Variants in ZZZ3 observed in about 807,000 individuals in gnomAD.
The protein encoded by ZZZ3 is zinc finger ZZ-type containing 3.
A neutral mutation model predicts 95.2 loss-of-function variants in ZZZ3; 22 were observed. The observed-to-expected ratio is 0.23, with a 90% CI of 0.17 to 0.33. The LOEUF (loss-of-function observed/expected upper bound fraction) is 0.33. Ranked by LOEUF, ZZZ3 falls within the 10% of genes least tolerant of loss-of-function variation. The probability of loss-of-function intolerance (pLI) is 1.00; values close to 1 mark genes in which losing one functional copy is unlikely to be tolerated. For missense variants in ZZZ3, 885 were observed against 1,066.5 expected, an observed-to-expected ratio of 0.83 and a Z score of 2.37; for synonymous variants, 335 against 358.9, an observed-to-expected ratio of 0.93 and a Z score of 0.75.
chr1:77,624,563 C>A, intron 5 of ZZZ3, among the ~76,000 whole-genome samples: 1 of 152,090 alleles, frequency 6.6e-6, no homozygotes, highest in Admixed American at 6.6e-5. Flanking sequence ...ACCCAAACTC[C>A]ACAGGAAAAA....
At chr1:77,640,110 GT>G (rs1668639867) in intron 3 of ZZZ3, among the ~76,000 whole-genome samples, 1 of 151,974 alleles carries the variant, frequency 6.6e-6, no homozygotes, top group African/African-American at 2.4e-5. Flanking sequence ...GCTTATTCAA[GT>G]GCTACAAAAT....
intron 5 of ZZZ3, among the ~76,000 whole-genome samples, chr1:77,602,750 T>C (rs570794234): frequency 6.6e-6 from 1 of 151,988 alleles, no homozygotes; most frequent in East Asian, 1.9e-4. Flanking sequence ...GGATTACAGA[T>C]GTGCATCACC....
chr1:77,610,756 TC>T (rs1292726057), intron 5 of ZZZ3, among the ~76,000 whole-genome samples: 2 of 151,426 alleles, frequency 1.3e-5, no homozygotes, highest in East Asian at 3.9e-4. Flanking sequence ...AAGTTTGACA[TC>T]CCTTCATGAT....
At chr1:77,583,695 C>A (rs928875547) in intron 6 of ZZZ3, among the ~76,000 whole-genome samples, 1 of 152,068 alleles carries the variant, frequency 6.6e-6, no homozygotes, top group East Asian at 1.9e-4. Flanking sequence ...CATAAAGATA[C>A]TAAAGTTGTC....
intron 5 of ZZZ3, among the ~76,000 whole-genome samples, chr1:77,613,967 C>T (rs1263609119): frequency 6.6e-6 from 1 of 152,096 alleles, no homozygotes; most frequent in Non-Finnish European, 1.5e-5. Flanking sequence ...ACCTCTGATG[C>T]AGACTGCATG....
intron 1 of ZZZ3, among the ~76,000 whole-genome samples, chr1:77,673,977 T>C (rs1320398597): frequency 2.1e-5 from 3 of 143,190 alleles, no homozygotes; most frequent in African/African-American, 5.3e-5. Context: ...AGGAATCCTG[T>C]ACCATAGTTT....
At chr1:77,673,682 A>AT (rs1238835517) in intron 1 of ZZZ3, among the ~76,000 whole-genome samples, 1 of 152,174 alleles carries the variant, frequency 6.6e-6, no homozygotes, top group Non-Finnish European at 1.5e-5. Context: ...CTGATTCCCA[A>AT]TTTTTTACCA....
intron 12 of ZZZ3, among the ~76,000 whole-genome samples, chr1:77,574,260 G>A (rs913352332): frequency 1.3e-5 from 2 of 151,120 alleles, no homozygotes; most frequent in Admixed American, 1.3e-4. Context: ...TAGTAGTGTT[G>A]GTTATTAATA....
chr1:77,625,970 C>G (rs576652622), intron 5 of ZZZ3, among the ~76,000 whole-genome samples: 1 of 151,602 alleles, frequency 6.6e-6, no homozygotes, highest in Non-Finnish European at 1.5e-5. Context: ...GCACTCCAGC[C>G]TGGGTGACAG....
chr1:77,631,787 A>G, intron 5 of ZZZ3, 63 bp downstream of exon 5: 2 of 1,317,586 alleles, frequency 1.5e-6, no homozygotes, highest in South Asian at 3.1e-5. Flanking sequence ...CTACGAATAG[A>G]TACTGAAAAA....
intron 1 of ZZZ3, among the ~76,000 whole-genome samples, chr1:77,680,196 C>T (rs967161604): frequency 6.6e-6 from 1 of 152,174 alleles, no homozygotes; most frequent in Non-Finnish European, 1.5e-5. Flanking sequence ...TAACCTTAAG[C>T]TGCTGACTTT....
intron 1 of ZZZ3, among the ~76,000 whole-genome samples, chr1:77,680,560 A>G (rs1404032488): frequency 6.6e-6 from 1 of 152,198 alleles, no homozygotes; most frequent in Non-Finnish European, 1.5e-5. Flanking sequence ...GACTGGTCTG[A>G]TAAATATTAT....
chr1:77,618,233 C>CTTT lies in ZZZ3; in HGVS notation c.1505+13614_1505+13616dup, dbSNP rs10597366. Among the ~76,000 whole-genome samples the CTTT allele has an allele frequency of 6.0e-4, 49 of 81,066 alleles. 5 individuals are homozygous for CTTT. Among genetic ancestry groups the CTTT allele is most frequent in the South Asian group, 5.9e-3 (11 of 1,850 alleles). The allele number at this position is 81,066 out of a possible 152,430, so 53.2% of individuals were successfully genotyped here. ...CTCTAGAAGAGTAGACCAATGCAGC[C>CTTT]TTTTTTTTTTTTTTTTTTTTTTTTT... On this transcript the variant is annotated intron_variant, in intron 5 of 14. Coordinates refer to ENST00000370801, the MANE Select transcript of ZZZ3 (RefSeq NM_015534.6).
At position 77,566,144 on chromosome 1, in the gene ZZZ3, C is replaced by T. The variant is rs374167298; in HGVS notation, c.2504G>A (p.Arg835Gln). The T allele has an allele frequency of 1.4e-5, 23 of 1,613,018 alleles. No homozygotes were observed. The highest frequency in any genetic ancestry group is 6.7e-5 in the African/African-American group (5 of 74,852). The part of the protein sequence containing the change: ...NCGIEPIQGV[R>Q]WHCQDCPPEM... ...TGGAGGACAATCCTGGCAATGCCAC[C>T]GAACACCCTGGATGGGTTCTATGCC... The change falls in exon 14 of 15, where the codon CGG (arginine) becomes CAG (glutamine). Residue 835 changes from arginine to glutamine, a missense_variant. Physicochemically the swap from Arg to Gln is conservative, Grantham distance 43. This residue lies in a region of ZZZ3 where 221 missense variants were observed against 247.8 expected (regional missense o/e 0.89). Coordinates refer to ENST00000370801, the MANE Select transcript of ZZZ3 (RefSeq NM_015534.6).
At chr1:77,628,941 G>A (rs1667550325) in intron 5 of ZZZ3, among the ~76,000 whole-genome samples, 1 of 152,174 alleles carries the variant, frequency 6.6e-6, no homozygotes. Flanking sequence ...CATTTGACAA[G>A]GTATGTACAT....
chr1:77,606,555 A>C (rs1665254473), intron 5 of ZZZ3, among the ~76,000 whole-genome samples: 1 of 152,190 alleles, frequency 6.6e-6, no homozygotes. Flanking sequence ...TGCTGCCTTC[A>C]AGTCTAACCA....
intron 1 of ZZZ3, among the ~76,000 whole-genome samples, chr1:77,655,065 C>T (rs1670147364): frequency 6.6e-6 from 1 of 152,166 alleles, no homozygotes; most frequent in African/African-American, 2.4e-5. Context: ...TAGCACAGAG[C>T]ATCACAAGGT....
intron 13 of ZZZ3, among the ~76,000 whole-genome samples, 191 bp downstream of exon 13, chr1:77,568,141 T>G (rs1661000493): frequency 6.6e-6 from 1 of 152,046 alleles, no homozygotes; most frequent in Admixed American, 6.5e-5. Flanking sequence ...TAGCTGGGTA[T>G]AGTGGCACAC....
rs1570565501 is a variant in ZZZ3 at position 77,633,712 on chromosome 1, A to G, written c.-51-307T>C. On this transcript the variant is annotated intron_variant, in intron 4 of 14. Transcript: ENST00000370801. Reference sequence around the variant, plus strand: ...TGCTACTATCATCCCTACTTCACGAATGAGATTAAAGCACACTCTGAATAT... The same window carrying G: ...TGCTACTATCATCCCTACTTCACGAGTGAGATTAAAGCACACTCTGAATAT... 3.9e-5 allele frequency among the ~76,000 whole-genome samples: 6 copies of G among 152,330 alleles called. No individual in the cohort carries two copies. The South Asian group carries it at 1.2e-3, about 32-fold the overall frequency.
Sources: gnomAD v4.1 joint callset for allele counts (sites outside exome capture counted in the v4.1 genomes callset) on GRCh38, gnomAD v4.1.1 for gene constraint, gnomAD v4.1.1 regional missense constraint, MANE v1.5 for transcripts, NCBI Gene and HGNC (gene_info 2026-07-23, HGNC 2026-07-21) for gene names.